The following BBX variants were observed in gnomAD, a reference collection of about 807,000 sequenced individuals.
BBX encodes the protein BBX high mobility group box domain containing, also known as HMG box transcription factor BBX.
BBX carries 30 observed loss-of-function variants against 100.2 expected under a neutral mutation model. That is an observed-to-expected ratio of 0.30 (90% CI 0.22 to 0.41). BBX has a LOEUF of 0.41. Among genes scored for constraint, BBX ranks in the 10% least tolerant of loss-of-function variants. BBX has a pLI of 1.00. For synonymous variants in BBX, 376 were observed against 388.1 expected (o/e 0.97, Z 0.37); for missense variants, 1,023 against 1,129.8 (o/e 0.91, Z 1.35).
intron 15 of BBX, among the ~76,000 whole-genome samples, chr3:107,793,799 T>C (rs2069305572): frequency 6.6e-6 from 1 of 152,194 alleles, no homozygotes; most frequent in African/African-American, 2.4e-5. Flanking sequence ...AGTAGATGAC[T>C]TCAAGTTCAC....
At chr3:107,639,090 C>T (rs1198745224) in intron 2 of BBX, among the ~76,000 whole-genome samples, 1 of 152,132 alleles carries the variant, frequency 6.6e-6, no homozygotes, top group South Asian at 2.1e-4. Flanking sequence ...TCCTTTGCTT[C>T]TTGGAACTGA....
At chr3:107,661,889 A>G (rs2058464686) in intron 3 of BBX, 1 of 985,190 alleles carries the variant, frequency 1.0e-6, no homozygotes, top group South Asian at 4.7e-5. Flanking sequence ...CATGTTATAG[A>G]TGTGGAGGAT....
intron 10 of BBX, among the ~76,000 whole-genome samples, chr3:107,768,546 G>A (rs9834084): frequency 0.1 from 15,630 of 152,082 alleles, 1,049 homozygotes; most frequent in Middle Eastern, 0.16. Context: ...TTTAATGTGT[G>A]TATAATACAC....
chr3:107,648,521 A>G (rs2057658392), intron 3 of BBX, among the ~76,000 whole-genome samples: 1 of 152,168 alleles, frequency 6.6e-6, no homozygotes, highest in South Asian at 2.1e-4. Flanking sequence ...GGAAATGGGT[A>G]CTTCGCTTTT....
chr3:107,608,753 T>C, intron 2 of BBX, among the ~76,000 whole-genome samples: 1 of 152,212 alleles, frequency 6.6e-6, no homozygotes. Context: ...CAATGTTAAA[T>C]AGTTTTCATT....
chr3:107,806,089 T>G lies in BBX; in HGVS notation c.*632T>G, dbSNP rs1329508240. The G allele has an allele frequency of 4.7e-5, 7 of 149,418 alleles. No homozygotes were observed. Among genetic ancestry groups the G allele is most frequent in the African/African-American group, 1.5e-4 (6 of 40,174 alleles). The allele number at this position is 149,418 out of a possible 1,614,324, so 9.3% of individuals were successfully genotyped here. A position where few individuals can be genotyped will look rare whatever the true frequency, so the allele number is the denominator to read the frequency against. Reference sequence around the variant, plus strand: ...GTCCATATATTCTGCACTTTTATATTTGCCACCAGAATGGTAGTTTGCTGG... The same window carrying G: ...GTCCATATATTCTGCACTTTTATATGTGCCACCAGAATGGTAGTTTGCTGG... On this transcript the variant is annotated 3_prime_UTR_variant, in exon 18 of 18. Transcript: ENST00000325805.
chr3:107,696,190 A>G (rs548388354), intron 3 of BBX, among the ~76,000 whole-genome samples: 3 of 151,868 alleles, frequency 2.0e-5, no homozygotes, highest in East Asian at 3.9e-4. Flanking sequence ...CATTTAGTCC[A>G]TTTACATTTA....
intron 2 of BBX, among the ~76,000 whole-genome samples, chr3:107,625,287 A>AT (rs1355339758): frequency 2.0e-5 from 3 of 151,352 alleles, no homozygotes; most frequent in East Asian, 1.9e-4. Context: ...TAATTTTATT[A>AT]TTTTTTTTGG....
chr3:107,763,315 C>T (rs1376879307), intron 10 of BBX, among the ~76,000 whole-genome samples: 2 of 151,812 alleles, frequency 1.3e-5, no homozygotes, highest in Admixed American at 6.6e-5. Flanking sequence ...AGCTCCGCCT[C>T]CCGGGTTCAC....
intron 2 of BBX, among the ~76,000 whole-genome samples, chr3:107,591,552 A>G (rs1298883845): frequency 6.6e-6 from 1 of 152,188 alleles, no homozygotes; most frequent in Admixed American, 6.5e-5. Context: ...CGGTAACGCT[A>G]TCAGGGCTCA....
intron 9 of BBX, 105 bp downstream of exon 9, chr3:107,748,144 G>A: frequency 1.1e-6 from 1 of 909,796 alleles, no homozygotes; most frequent in Non-Finnish European, 1.7e-6. Flanking sequence ...CATGCCTGTT[G>A]TCATTATTAA....
At chr3:107,646,268 G>T (rs2057514091) in intron 3 of BBX, among the ~76,000 whole-genome samples, 1 of 151,254 alleles carries the variant, frequency 6.6e-6, no homozygotes, top group Non-Finnish European at 1.5e-5. Flanking sequence ...GCTGTTTTTT[G>T]TACTGCTGTT....
rs377350352 is a variant in BBX, at chr3:107,773,393, A to G, written c.1672A>G (p.Ile558Val). The G allele has an allele frequency of 2.5e-6, 4 of 1,614,130 alleles. No homozygotes were observed. Among genetic ancestry groups the G allele is most frequent in the Admixed American group, 1.7e-5 (1 of 60,010 alleles). ...GTCAAGACCTCCAGATTTCATTAGT[A>G]TTTCTGCTAGCAAGAACATTTCTGG... The part of the protein sequence containing the change: ...KESRPPDFIS[I>V]SASKNISGET... Residue 558 changes from isoleucine to valine, a missense_variant, in exon 11 of 18, where the codon ATT (isoleucine) becomes GTT (valine). This residue lies in a region of BBX where 348 missense variants were observed against 353.2 expected (regional missense o/e 0.99). Coordinates refer to ENST00000325805, the MANE Select transcript of BBX (RefSeq NM_001142568.3). This position sits in a 1 kb window ranked among gnomAD's most constrained non-coding sequence, Gnocchi z 4.1.
rs970474661 is a variant in BBX, at chr3:107,631,634, G to A, written c.-83-14202G>A. On this transcript the variant is annotated intron_variant, in intron 2 of 17. Transcript: ENST00000325805. ...TTTTAAAGTCATCATCATTTTTGTGGGATCTCTTACCTAGAAATATATTAC... is the reference window on the plus strand; with the variant it reads ...TTTTAAAGTCATCATCATTTTTGTGAGATCTCTTACCTAGAAATATATTAC... Among the ~76,000 whole-genome samples, 7 of 151,584 alleles carry A rather than the reference G, an allele frequency of 4.6e-5. No individual in the cohort carries two copies. The South Asian group carries it at 1.0e-3, about 23-fold the overall frequency.
At chr3:107,694,934 G>T (rs557615818) in intron 3 of BBX, among the ~76,000 whole-genome samples, 1 of 151,746 alleles carries the variant, frequency 6.6e-6, no homozygotes, top group Admixed American at 6.6e-5. Flanking sequence ...GAGGGTGTAT[G>T]TGTCGAGGAA....
At chr3:107,629,128 A>G (rs2056389600) in intron 2 of BBX, among the ~76,000 whole-genome samples, 1 of 152,118 alleles carries the variant, frequency 6.6e-6, no homozygotes, top group Non-Finnish European at 1.5e-5. Flanking sequence ...TGCAGAGCTG[A>G]GAATGTGTGT....
At chr3:107,755,473 G>C in intron 9 of BBX, 125 bp from the exon 10 acceptor site, 1 of 723,508 alleles carries the variant, frequency 1.4e-6, no homozygotes, top group Non-Finnish European at 2.3e-6. Flanking sequence ...GACATGTTTT[G>C]TTACTTGGTA....
chr3:107,741,352 A>G (rs1046823640), intron 7 of BBX, among the ~76,000 whole-genome samples: 12 of 152,140 alleles, frequency 7.9e-5, no homozygotes, highest in Non-Finnish European at 1.5e-4. Context: ...GTAATTCTTA[A>G]TTATACTAAT....
At chr3:107,618,460 T>G (rs2055470537) in intron 2 of BBX, among the ~76,000 whole-genome samples, 1 of 152,190 alleles carries the variant, frequency 6.6e-6, no homozygotes, top group South Asian at 2.1e-4. Flanking sequence ...TTATTTTGAC[T>G]TTTCTTCAGG....
Sources: gnomAD v4.1 joint callset for allele counts (sites outside exome capture counted in the v4.1 genomes callset) on GRCh38, gnomAD v4.1.1 for gene constraint, gnomAD v4.1.1 regional missense constraint, Gnocchi (gnomAD v3.1) non-coding constraint, MANE v1.5 for transcripts, NCBI Gene and HGNC (gene_info 2026-07-23, HGNC 2026-07-21) for gene names.